The following SNX7 variants were observed in gnomAD, a reference collection of about 807,000 sequenced individuals.
SNX7 encodes sorting nexin-7.
Under a neutral mutation model 48.4 loss-of-function variants are expected in SNX7, and 35 were observed. The observed-to-expected ratio is 0.72, with a 90% CI of 0.55 to 0.96. The LOEUF is 0.96. Ranked by LOEUF, SNX7 falls within the 40% of genes least tolerant of loss-of-function variation. The probability of loss-of-function intolerance (pLI) is 0.00; values close to 1 mark genes in which losing one functional copy is unlikely to be tolerated. For missense variants in SNX7, 553 were observed against 548.9 expected (o/e 1.01, Z -0.07); for synonymous variants, 190 against 190.2 (o/e 1.00, Z 0.01).
At chr1:98,734,282 T>C (rs1653664694) in intron 7 of SNX7, among the ~76,000 whole-genome samples, 1 of 152,310 alleles carries the variant, frequency 6.6e-6, no homozygotes, top group South Asian at 2.1e-4. Flanking sequence ...CCCATTCTAC[T>C]TTTTATTATA....
At chr1:98,738,149 T>A in intron 7 of SNX7, 88 bp from the exon 8 acceptor site, 1 of 1,350,908 alleles carries the variant, frequency 7.4e-7, no homozygotes, top group Non-Finnish European at 1.0e-6. Context: ...TTAGGCTGTT[T>A]TGGTATTTTG....
chr1:98,739,641 A>G (rs554623680), intron 8 of SNX7, among the ~76,000 whole-genome samples: 1 of 152,270 alleles, frequency 6.6e-6, no homozygotes, highest in South Asian at 2.1e-4. Context: ...TAGAAAAAAT[A>G]AGGATATGTT....
chr1:98,722,268 A>T (rs1652925849), intron 7 of SNX7, among the ~76,000 whole-genome samples: 1 of 152,180 alleles, frequency 6.6e-6, no homozygotes, highest in Non-Finnish European at 1.5e-5. Flanking sequence ...TTTTAAGAAA[A>T]GTATGTATTG....
chr1:98,675,340 G>A (rs138377660), intron 1 of SNX7, among the ~76,000 whole-genome samples: 1 of 152,132 alleles, frequency 6.6e-6, no homozygotes, highest in African/African-American at 2.4e-5. Context: ...TTTTATTGAG[G>A]TTTTAAGAAT....
intron 7 of SNX7, among the ~76,000 whole-genome samples, chr1:98,736,619 A>G (rs575759375): frequency 6.6e-6 from 1 of 152,328 alleles, no homozygotes; most frequent in African/African-American, 2.4e-5. Flanking sequence ...GAGTGAAAAA[A>G]TAAAACACAG....
chr1:98,739,306 GACCAGT>G lies in SNX7; in HGVS notation c.1278+924_1278+929del, dbSNP rs542136060. On this transcript the variant is annotated intron_variant, in intron 8 of 8. Transcript: ENST00000306121. ...GCGGCTGGGTTCCTAACAGGCCAAT[GACCAGT>G]ACCAGTCCATGGCCCAGGGGTTGAG... is the stretch of plus-strand genomic sequence containing the variant. Among the ~76,000 whole-genome samples the G allele has an allele frequency of 3.1e-3, 470 of 152,270 alleles. 2 individuals are homozygous for G. The highest frequency in any genetic ancestry group is 0.01 in the African/African-American group (436 of 41,556).
chr1:98,691,240 CTT>C (rs1371484730), intron 3 of SNX7, 55 bp downstream of exon 3: 2 of 1,052,650 alleles, frequency 1.9e-6, no homozygotes, highest in Non-Finnish European at 1.4e-6. Flanking sequence ...TCTAGTGAGT[CTT>C]TTTGAATGCC....
chr1:98,755,279 T>C (rs1405690584), intron 8 of SNX7, among the ~76,000 whole-genome samples: 1 of 152,126 alleles, frequency 6.6e-6, no homozygotes, highest in African/African-American at 2.4e-5. Context: ...GTATTCTGCT[T>C]TTGTCCTGTA....
At chr1:98,738,489 C>T (rs1653908606) in intron 8 of SNX7, 100 bp downstream of exon 8, 1 of 1,120,202 alleles carries the variant, frequency 8.9e-7, no homozygotes, top group Non-Finnish European at 1.3e-6. Context: ...ACAAGTGTCA[C>T]ATTCTAATGC....
intron 8 of SNX7, among the ~76,000 whole-genome samples, chr1:98,759,018 G>T (rs1275311055): frequency 2.0e-5 from 3 of 151,896 alleles, no homozygotes. Flanking sequence ...AAACATTTGA[G>T]TTTTTACAGT....
intron 8 of SNX7, among the ~76,000 whole-genome samples, chr1:98,757,732 T>A (rs1192096217): frequency 8.9e-5 from 5 of 56,198 alleles, no homozygotes; most frequent in Non-Finnish European, 1.8e-4. Flanking sequence ...TCTACCTGAT[T>A]GATTGATTGA....
Position 98,691,124 on chromosome 1 carries a change from A to G in SNX7, c.413A>G (p.Tyr138Cys), listed in dbSNP as rs373963048. 6 of 1,609,962 alleles carry G rather than the reference A, an allele frequency of 3.7e-6. No individual in the cohort carries two copies. Among genetic ancestry groups the G allele is most frequent in the African/African-American group, 1.3e-5 (1 of 74,660 alleles). ...DSSEFEVRRR[Y>C]QDFLWLKGKL... ...AGTGAATTTGAAGTTAGGAGACGAT[A>G]TCAAGATTTCCTTTGGTTGAAGGGA... Residue 138 changes from tyrosine (Y) to cysteine (C), a missense_variant, in exon 3 of 9, where the codon TAT becomes TGT. Transcript: ENST00000306121.
intron 8 of SNX7, among the ~76,000 whole-genome samples, chr1:98,741,550 C>T (rs1307616932): frequency 6.6e-6 from 1 of 151,762 alleles, no homozygotes; most frequent in African/African-American, 2.4e-5. Flanking sequence ...TCTGTATGAC[C>T]AATAATTAAG....
At chr1:98,695,492 A>G (rs199861742) in intron 4 of SNX7, 26 bp from the exon 5 acceptor site, 1 of 1,604,642 alleles carries the variant, frequency 6.2e-7, no homozygotes. Flanking sequence ...TTGTTTCACT[A>G]GAAATACTTG....
intron 7 of SNX7, among the ~76,000 whole-genome samples, chr1:98,726,543 A>C (rs1653180810): frequency 6.6e-6 from 1 of 152,168 alleles, no homozygotes; most frequent in Non-Finnish European, 1.5e-5. Context: ...ACTGAGCTTG[A>C]TTATGTCTGA....
At chr1:98,666,221 G>A (rs1399214003) in intron 1 of SNX7, among the ~76,000 whole-genome samples, 2 of 152,212 alleles carry the variant, frequency 1.3e-5, no homozygotes, top group African/African-American at 4.8e-5. Context: ...TATTGGCAGA[G>A]TTAGTGAACA....
At position 98,738,279 on chromosome 1, in the gene SNX7, G is replaced by A. The variant is rs142855709; in HGVS notation, c.1168G>A (p.Ala390Thr). Reference protein sequence around the residue: ...IGKLEDKVECANNALKADWER... With the variant: ...IGKLEDKVECTNNALKADWER... ...AAAACTTGAAGATAAAGTGGAATGT[G>A]CTAATAATGCCCTGAAAGCAGATTG... Residue 390 changes from alanine (A) to threonine (T), a missense_variant, in exon 8 of 9, where the codon GCT becomes ACT. Coordinates refer to ENST00000306121, the MANE Select transcript of SNX7 (RefSeq NM_015976.5). The A allele has an allele frequency of 1.9e-6, 3 of 1,613,458 alleles. No individual in the cohort carries two copies. Among genetic ancestry groups the A allele is most frequent in the South Asian group, 1.1e-5 (1 of 91,066 alleles).
chr1:98,738,049 C>G (rs1653880078), intron 7 of SNX7, among the ~76,000 whole-genome samples, 188 bp from the exon 8 acceptor site: 1 of 152,062 alleles, frequency 6.6e-6, no homozygotes, highest in Non-Finnish European at 1.5e-5. Flanking sequence ...ACTCTACAAC[C>G]CTGACTCAAC....
intron 1 of SNX7, chr1:98,662,191 T>C (rs993602111): frequency 5.3e-5 from 16 of 301,060 alleles, no homozygotes; most frequent in African/African-American, 1.9e-4. Context: ...AAGTTGTGAT[T>C]TGTTTTCCCT....
Sources: allele counts gnomAD v4.1 joint callset (sites outside exome capture counted in the v4.1 genomes callset), GRCh38; gene constraint gnomAD v4.1.1; transcripts MANE v1.5; gene names NCBI Gene and HGNC (gene_info 2026-07-23, HGNC 2026-07-21).